BCL2: variants seen among roughly 807,000 people sequenced by gnomAD.
BCL2 encodes the protein BCL2 apoptosis regulator, also known as apoptosis regulator Bcl-2.
Under a neutral mutation model 14.2 loss-of-function variants are expected in BCL2, and 1 was observed. The ratio of observed to expected loss-of-function variants is 0.07; its 90% CI spans 0.02 to 0.33. BCL2 has a LOEUF of 0.33. BCL2 is among the 10% of genes least tolerant of loss of function. The pLI, the probability that BCL2 is intolerant of heterozygous loss-of-function variation, is 0.99. For missense variants in BCL2, 247 were observed against 305.9 expected, an observed-to-expected ratio of 0.81 and a Z score of 1.44; for synonymous variants, 151 against 137.2, an observed-to-expected ratio of 1.10 and a Z score of -0.70.
intron 2 of BCL2, among the ~76,000 whole-genome samples, chr18:63,226,657 A>G (rs1910556709): frequency 6.6e-6 from 1 of 152,174 alleles, no homozygotes; most frequent in Non-Finnish European, 1.5e-5. Context: ...TGCAAACAAC[A>G]GTAACAAAAC....
intron 2 of BCL2, among the ~76,000 whole-genome samples, chr18:63,294,641 G>T (rs1912751362): frequency 6.6e-6 from 1 of 151,990 alleles, no homozygotes. Flanking sequence ...CTGCACTCCA[G>T]CCTGGGCGAC....
At chr18:63,163,781 C>T (rs994232351) in intron 2 of BCL2, among the ~76,000 whole-genome samples, 3 of 152,082 alleles carry the variant, frequency 2.0e-5, no homozygotes, top group Non-Finnish European at 4.4e-5. Context: ...TATTATATTC[C>T]CCACTTCACA....
At chr18:63,214,796 C>T (rs978293377) in intron 2 of BCL2, among the ~76,000 whole-genome samples, 5 of 152,044 alleles carry the variant, frequency 3.3e-5, no homozygotes, top group Non-Finnish European at 5.9e-5. Context: ...CTGCAACCTC[C>T]GCCTCCTGGT....
chr18:63,269,425 C>T (rs894939064), intron 2 of BCL2, among the ~76,000 whole-genome samples: 7 of 152,108 alleles, frequency 4.6e-5, no homozygotes, highest in African/African-American at 1.7e-4. Context: ...AACAGACTCT[C>T]ACCTTTCTCT....
chr18:63,238,687 C>T (rs1442679293), intron 2 of BCL2, among the ~76,000 whole-genome samples: 1 of 152,158 alleles, frequency 6.6e-6, no homozygotes, highest in Non-Finnish European at 1.5e-5. Context: ...TGTTTATTTA[C>T]AGTTTTGATA....
chr18:63,224,263 C>G (rs1910485640), intron 2 of BCL2, among the ~76,000 whole-genome samples: 1 of 152,196 alleles, frequency 6.6e-6, no homozygotes, highest in East Asian at 1.9e-4. Flanking sequence ...AAAGAAAGAG[C>G]AGCTTACAGA....
At chr18:63,199,601 CACAT>C (rs1909630757) in intron 2 of BCL2, among the ~76,000 whole-genome samples, 1 of 151,330 alleles carries the variant, frequency 6.6e-6, no homozygotes, top group African/African-American at 2.4e-5. Context: ...AACATAGACA[CACAT>C]ACAACACATG....
At position 63,185,483 on chromosome 18, in the gene BCL2, T is replaced by A. The variant is rs188922759; in HGVS notation, c.586-56724A>T. On this transcript the variant is annotated intron_variant, in intron 2 of 2. Transcript: ENST00000333681. ...GAGACAAGAAGAAGAAAATCTGAAGTGTTTCCTTCAGGGCTAGCTGCTTTC... is the reference window on the plus strand; with the variant it reads ...GAGACAAGAAGAAGAAAATCTGAAGAGTTTCCTTCAGGGCTAGCTGCTTTC... Among the ~76,000 whole-genome samples the A allele has an allele frequency of 3.5e-3, 526 of 152,354 alleles. 7 individuals are homozygous for A. The highest frequency in any genetic ancestry group is 0.01 in the Middle Eastern group (3 of 294).
intron 2 of BCL2, among the ~76,000 whole-genome samples, chr18:63,181,625 G>A (rs1488791283): frequency 2.0e-5 from 3 of 152,152 alleles, no homozygotes; most frequent in Non-Finnish European, 4.4e-5. Flanking sequence ...AAATAGAGTT[G>A]TGGACTTCTT....
chr18:63,223,409 A>C (rs1325115803), intron 2 of BCL2, among the ~76,000 whole-genome samples: 1 of 126,162 alleles, frequency 7.9e-6, no homozygotes, highest in Non-Finnish European at 1.9e-5. Flanking sequence ...CAAAAAAAAA[A>C]AATAAATAAA....
At chr18:63,188,069 C>T (rs1915632647) in intron 2 of BCL2, among the ~76,000 whole-genome samples, 1 of 152,082 alleles carries the variant, frequency 6.6e-6, no homozygotes, top group Non-Finnish European at 1.5e-5. Context: ...AAAGTTAAGA[C>T]AAATGGGAAA....
chr18:63,309,474 G>A lies in BCL2; in HGVS notation c.585+8608C>T, dbSNP rs376396367. Among the ~76,000 whole-genome samples, 24 of 152,294 alleles carry A rather than the reference G, an allele frequency of 1.6e-4. No homozygotes were observed. In the South Asian group the frequency reaches 4.8e-3, roughly 30 times the overall value. ...TATCATTTTTTGAGGCAGCCAGGAT[G>A]GCACTTGAGTCCTGATTCTTTCCCT... On this transcript the variant is annotated intron_variant, in intron 2 of 2. Transcript: ENST00000333681.
intron 2 of BCL2, among the ~76,000 whole-genome samples, chr18:63,308,628 C>A (rs1367481269): frequency 1.3e-5 from 2 of 152,134 alleles, no homozygotes; most frequent in Non-Finnish European, 2.9e-5. Flanking sequence ...ATCTAGATTT[C>A]TCTTCAGGAA....
chr18:63,185,775 G>A (rs1915581803), intron 2 of BCL2, among the ~76,000 whole-genome samples: 1 of 152,232 alleles, frequency 6.6e-6, no homozygotes, highest in African/African-American at 2.4e-5. Context: ...GAGGCACAGA[G>A]AGGTTAAGTA....
chr18:63,128,552 C>T lies in BCL2; in HGVS notation c.*73G>A. 1.3e-6 allele frequency: 1 copy of T among 750,628 alleles called. No individual in the cohort carries two copies. The highest frequency in any genetic ancestry group is 1.4e-5 in the South Asian group (1 of 69,740). 46.5% of individuals were successfully genotyped at this position (750,628 alleles called of 1,614,324 possible). Reference sequence around the variant, plus strand: ...CCTGCAGCTTTGTTTCATGGTACATCACTGACAATGCATATTATTTCTACT... The same window carrying T: ...CCTGCAGCTTTGTTTCATGGTACATTACTGACAATGCATATTATTTCTACT... On this transcript the variant is annotated 3_prime_UTR_variant, in exon 3 of 3. Transcript: ENST00000333681.
chr18:63,247,034 T>G (rs1911169688), intron 2 of BCL2, among the ~76,000 whole-genome samples: 1 of 152,146 alleles, frequency 6.6e-6, no homozygotes, highest in Non-Finnish European at 1.5e-5. Context: ...GCAGCTGAGC[T>G]CAAGTGCTAT....
chr18:63,260,438 T>C (rs944895267), intron 2 of BCL2, among the ~76,000 whole-genome samples: 3 of 152,220 alleles, frequency 2.0e-5, no homozygotes, highest in East Asian at 1.9e-4. Context: ...AAAAAGATCT[T>C]AGCAGTTACT....
chr18:63,150,806 T>C (rs566207702), intron 2 of BCL2, among the ~76,000 whole-genome samples: 9 of 152,216 alleles, frequency 5.9e-5, no homozygotes, highest in Admixed American at 2.6e-4. Flanking sequence ...AATATTGGAC[T>C]ATAACATAAG....
At chr18:63,213,385 A>G (rs1216129945) in intron 2 of BCL2, among the ~76,000 whole-genome samples, 1 of 152,100 alleles carries the variant, frequency 6.6e-6, no homozygotes, top group African/African-American at 2.4e-5. Context: ...CTCACACCAC[A>G]CCCCTCACTG....
Sources: allele counts gnomAD v4.1 joint callset (sites outside exome capture counted in the v4.1 genomes callset), GRCh38; gene constraint gnomAD v4.1.1; transcripts MANE v1.5; gene names NCBI Gene and HGNC (gene_info 2026-07-23, HGNC 2026-07-21).